Variants in GPC5 observed in about 807,000 individuals in gnomAD.
GPC5 encodes glypican 5.
In GPC5, 47 loss-of-function variants were observed where a neutral mutation model predicts 53.9. The observed-to-expected ratio is 0.87, with a 90% CI of 0.69 to 1.11. The LOEUF is 1.11. GPC5 is among the 50% of genes most tolerant of loss of function. GPC5 has a pLI of 0.00. For synonymous variants in GPC5, 286 were observed against 263.3 expected (o/e 1.09, Z -0.84); for missense variants, 748 against 713.1 (o/e 1.05, Z -0.56).
At chr13:91,979,232 A>T (rs1326901016) in intron 6 of GPC5, among the ~76,000 whole-genome samples, 6 of 151,568 alleles carry the variant, frequency 4.0e-5, no homozygotes, top group South Asian at 2.1e-4. Context: ...TTTTTTTTTT[A>T]AATCTGTGTC....
intron 7 of GPC5, among the ~76,000 whole-genome samples, chr13:92,315,286 G>A (rs1295636941): frequency 1.3e-5 from 2 of 152,120 alleles, no homozygotes; most frequent in Non-Finnish European, 2.9e-5. Flanking sequence ...GGACTGGGGA[G>A]GTTTTCTGGG....
At chr13:92,533,540 T>A (rs558371653) in intron 7 of GPC5, among the ~76,000 whole-genome samples, 87 of 148,932 alleles carry the variant, frequency 5.8e-4, no homozygotes, top group Non-Finnish European at 1.2e-3. Flanking sequence ...TATAAGCATG[T>A]TTTTTTACAT....
At chr13:92,698,987 T>G (rs1887644207) in intron 7 of GPC5, among the ~76,000 whole-genome samples, 1 of 152,172 alleles carries the variant, frequency 6.6e-6, no homozygotes. Flanking sequence ...TTAGAATAGT[T>G]TCAGAAGAAA....
intron 2 of GPC5, among the ~76,000 whole-genome samples, chr13:91,541,394 C>T (rs185959064): frequency 9.2e-4 from 140 of 152,220 alleles, no homozygotes; most frequent in Non-Finnish European, 1.8e-3. Context: ...CTCTTCTGCA[C>T]GGACTTGCAG....
At chr13:92,031,788 CATATT>C (rs1566403296) in intron 6 of GPC5, among the ~76,000 whole-genome samples, 8 of 72,530 alleles carry the variant, frequency 1.1e-4, no homozygotes, top group African/African-American at 2.5e-4. Flanking sequence ...TAATATATTA[CATATT>C]ATATATAATA....
chr13:91,554,859 A>G (rs560103619), intron 2 of GPC5, among the ~76,000 whole-genome samples: 2 of 152,238 alleles, frequency 1.3e-5, no homozygotes, highest in East Asian at 1.9e-4. Flanking sequence ...GACATAACAC[A>G]CAGGCGGAAG....
intron 7 of GPC5, among the ~76,000 whole-genome samples, chr13:92,212,393 A>G (rs2042381730): frequency 6.6e-6 from 1 of 152,194 alleles, no homozygotes; most frequent in Non-Finnish European, 1.5e-5. Context: ...ACATGTTAGA[A>G]CATGTAAAAA....
intron 7 of GPC5, among the ~76,000 whole-genome samples, chr13:92,586,490 G>A (rs1032142504): frequency 2.0e-5 from 3 of 152,198 alleles, no homozygotes; most frequent in Non-Finnish European, 4.4e-5. Flanking sequence ...TTTTAGCCAT[G>A]GGTTGTCCTG....
At chr13:92,701,069 ATT>A (rs1352536086) in intron 7 of GPC5, among the ~76,000 whole-genome samples, 6 of 152,134 alleles carry the variant, frequency 3.9e-5, no homozygotes, top group African/African-American at 2.4e-5. Context: ...ATGCTAAATA[ATT>A]TGACTTGTTT....
chr13:92,168,003 A>T (rs968359019), intron 7 of GPC5, among the ~76,000 whole-genome samples: 4 of 152,172 alleles, frequency 2.6e-5, no homozygotes, highest in Non-Finnish European at 5.9e-5. Flanking sequence ...GGGCAAGCTT[A>T]CTGGGATAGC....
At chr13:91,800,590 G>C (rs543694993) in intron 5 of GPC5, among the ~76,000 whole-genome samples, 258 of 152,162 alleles carry the variant, frequency 1.7e-3, no homozygotes, top group Non-Finnish European at 2.9e-3. Context: ...CTAATCATGA[G>C]TGTGGCTATT....
intron 7 of GPC5, among the ~76,000 whole-genome samples, chr13:92,828,410 G>C (rs1877926083): frequency 6.6e-6 from 1 of 152,118 alleles, no homozygotes; most frequent in African/African-American, 2.4e-5. Flanking sequence ...CTTTCTTGAA[G>C]TCAGTTAAAT....
chr13:91,820,917 C>T lies in GPC5; in HGVS notation c.1280+64497C>T, dbSNP rs1446830918. ...AGCGGAGCTTGCAGTGAGCTGAGAT[C>T]GTGCCACTGCACTCCAGCCTGGGTG... On this transcript the variant is annotated intron_variant, in intron 5 of 7. Transcript: ENST00000377067. 7.3e-5 allele frequency among the ~76,000 whole-genome samples: 11 copies of T among 151,056 alleles called. No individual in the cohort carries two copies. The East Asian group carries it at 1.8e-3, about 24-fold the overall frequency.
rs115551271 is a variant in GPC5 at position 91,682,781 on chromosome 13, C to A, written c.326-10406C>A. Among the ~76,000 whole-genome samples the A allele has an allele frequency of 6.3e-3, 962 of 152,254 alleles. 14 individuals are homozygous for A. The highest frequency in any genetic ancestry group is 0.022 in the African/African-American group (907 of 41,554). On this transcript the variant is annotated intron_variant, in intron 2 of 7. Transcript: ENST00000377067. Reference sequence around the variant, plus strand: ...TCAATTGAATCTCACAGCTATCCTGCCCTTGGTCAGAGCAGACACGATTGC... The same window carrying A: ...TCAATTGAATCTCACAGCTATCCTGACCTTGGTCAGAGCAGACACGATTGC...
At chr13:92,043,285 A>G (rs2040955820) in intron 6 of GPC5, among the ~76,000 whole-genome samples, 1 of 152,168 alleles carries the variant, frequency 6.6e-6, no homozygotes, top group Non-Finnish European at 1.5e-5. Flanking sequence ...TTCAATTGGG[A>G]TGAGTTAGTA....
At chr13:91,459,280 G>A (rs1473979684) in intron 2 of GPC5, among the ~76,000 whole-genome samples, 6 of 151,942 alleles carry the variant, frequency 3.9e-5, no homozygotes, top group Non-Finnish European at 1.5e-5. Flanking sequence ...GGGAGACAGA[G>A]CAAGACCCTG....
chr13:91,542,724 C>T (rs974438710), intron 2 of GPC5, among the ~76,000 whole-genome samples: 5 of 152,122 alleles, frequency 3.3e-5, no homozygotes, highest in African/African-American at 4.8e-5. Context: ...CCTCTTATTG[C>T]CCAGGCTAAC....
At chr13:92,854,608 T>C (rs1426346594) in intron 7 of GPC5, among the ~76,000 whole-genome samples, 1 of 151,926 alleles carries the variant, frequency 6.6e-6, no homozygotes, top group African/African-American at 2.4e-5. Flanking sequence ...TGAAAAAATA[T>C]CACTGACTTT....
At chr13:92,523,554 A>T (rs1012977377) in intron 7 of GPC5, among the ~76,000 whole-genome samples, 2 of 152,064 alleles carry the variant, frequency 1.3e-5, no homozygotes, top group African/African-American at 4.8e-5. Flanking sequence ...TGTGGAAGCA[A>T]ACTTTTAATA....
Sources: gnomAD v4.1 joint callset for allele counts (sites outside exome capture counted in the v4.1 genomes callset) on GRCh38, gnomAD v4.1.1 for gene constraint, MANE v1.5 for transcripts, NCBI Gene and HGNC (gene_info 2026-07-23, HGNC 2026-07-21) for gene names.